Variants in GPR83 observed in about 807,000 individuals in gnomAD.
GPR83 encodes G-protein coupled receptor 72.
GPR83 carries 23 observed loss-of-function variants against 28.0 expected under a neutral mutation model. That is an observed-to-expected ratio of 0.82 (90% confidence interval 0.59 to 1.16). The LOEUF (loss-of-function observed/expected upper bound fraction) is 1.16. Ranked by LOEUF, GPR83 falls within the 50% of genes most tolerant of loss-of-function variation. GPR83 has a pLI of 0.00. For synonymous variants in GPR83, 234 were observed against 215.4 expected (o/e 1.09, Z -0.76); for missense variants, 610 against 536.6 (o/e 1.14, Z -1.35).
intron 3 of GPR83, among the ~76,000 whole-genome samples, chr11:94,381,484 G>T (rs573968777): frequency 1.3e-5 from 2 of 152,086 alleles, no homozygotes; most frequent in South Asian, 4.2e-4. Flanking sequence ...CCTGGAGGGG[G>T]CCTTTATAAG....
chr11:94,385,917 C>A (rs964019923), intron 3 of GPR83, among the ~76,000 whole-genome samples: 15 of 151,838 alleles, frequency 9.9e-5, no homozygotes, highest in Admixed American at 5.3e-4. Flanking sequence ...GAAGTTGAAA[C>A]GAAGGAAAAA....
chr11:94,382,313 A>G (rs995709879), intron 3 of GPR83, among the ~76,000 whole-genome samples: 1 of 137,590 alleles, frequency 7.3e-6, no homozygotes, highest in Non-Finnish European at 1.5e-5. Flanking sequence ...ATTGCACTCC[A>G]GCATGGGCAA....
Position 94,378,475 on chromosome 11 carries a change from G to A in GPR83, c.*1674C>T, listed in dbSNP as rs1049301963. On this transcript the variant is annotated 3_prime_UTR_variant, in exon 4 of 4. Coordinates refer to ENST00000243673, the MANE Select transcript of GPR83 (RefSeq NM_016540.4). ...TCTGCCTGACAGGTCTCTTTTCTGG[G>A]TGACACAGTGAGTCACTCAGGACCA... The A allele has an allele frequency of 6.6e-6, 1 of 152,190 alleles. No individual in the cohort carries two copies. Among genetic ancestry groups the A allele is most frequent in the African/African-American group, 2.4e-5 (1 of 41,438 alleles). The allele number at this position is 152,190 out of a possible 1,614,324, so 9.4% of individuals were successfully genotyped here. A position where few individuals can be genotyped will look rare whatever the true frequency, so the allele number is the denominator to read the frequency against.
chr11:94,390,158 T>C (rs11523894), intron 3 of GPR83, among the ~76,000 whole-genome samples: 37,580 of 145,690 alleles, frequency 0.26, 5,783 homozygotes, highest in Non-Finnish European at 0.34. Flanking sequence ...TATCACACAC[T>C]GGGGACTGTT....
intron 1 of GPR83, among the ~76,000 whole-genome samples, chr11:94,399,154 G>A (rs187995274): frequency 1.7e-4 from 26 of 152,280 alleles, no homozygotes; most frequent in Admixed American, 1.4e-3. Context: ...CAGCCCAACC[G>A]TACCACTGTA....
chr11:94,392,734 G>A (rs550136809), intron 3 of GPR83, among the ~76,000 whole-genome samples: 1 of 152,196 alleles, frequency 6.6e-6, no homozygotes, highest in Admixed American at 6.5e-5. Context: ...GCTGAGGCAG[G>A]AGAATTGCTT....
chr11:94,385,508 C>A (rs181668153), intron 3 of GPR83, among the ~76,000 whole-genome samples: 225 of 152,236 alleles, frequency 1.5e-3, no homozygotes, highest in African/African-American at 5.3e-3. Flanking sequence ...CTTAAAGGAC[C>A]TGATGGAGCT....
In GPR83 at chr11:94,380,140, C is replaced by T. The variant is rs779592376; in HGVS notation, c.*9G>A. 4.0e-6 allele frequency: 6 copies of T among 1,505,150 alleles called. No homozygotes were observed. The African/African-American group carries it at 8.4e-5, about 21-fold the overall frequency. 93.2% of individuals were successfully genotyped at this position (1,505,150 alleles called of 1,614,324 possible). On this transcript the variant is annotated 3_prime_UTR_variant, in exon 4 of 4. Transcript: ENST00000243673. ...ACAGACCCCTCCCACTCCCTCTTCC[C>T]AACCTCTTCTAACTCATCGTCACAA...
rs1019283530 is a variant in GPR83 at position 94,401,385 on chromosome 11, C to G, written c.-138G>C. 2.6e-6 allele frequency: 2 copies of G among 768,116 alleles called. No individual in the cohort carries two copies. The highest frequency in any genetic ancestry group is 1.9e-5 in the African/African-American group (1 of 53,808). 47.6% of individuals were successfully genotyped at this position (768,116 alleles called of 1,614,324 possible). A position where few individuals can be genotyped will look rare whatever the true frequency, so the allele number is the denominator to read the frequency against. On this transcript the variant is annotated 5_prime_UTR_variant, in exon 1 of 4. Transcript: ENST00000243673. ...AGCCAGGGAGCCCGGACGCGCGGAG[C>G]ACCGCGCCGCCCGCCACCAGCCCGC...
intron 1 of GPR83, among the ~76,000 whole-genome samples, chr11:94,397,701 T>C (rs1301633853): frequency 1.3e-5 from 2 of 152,220 alleles, no homozygotes. Flanking sequence ...AGCAAGTACT[T>C]AACGCTATCA....
In GPR83 at chr11:94,380,776, G is replaced by A. The variant is rs1480276551; in HGVS notation, c.648-3C>T. 1 of 1,603,864 alleles carries A rather than the reference G, an allele frequency of 6.2e-7. No individual in the cohort carries two copies. Among genetic ancestry groups the A allele is most frequent in the East Asian group, 2.2e-5 (1 of 44,752 alleles). ...AGAGGGAGCGCACAATGTCCTCACT[G>A]GGGGCAGGAAGTGGGGAGGGGGAGA... On this transcript the variant is annotated splice_region_variant and splice_polypyrimidine_tract_variant and intron_variant, in intron 3 of 3. Transcript: ENST00000243673.
intron 3 of GPR83, among the ~76,000 whole-genome samples, chr11:94,392,761 G>A (rs1168125385): frequency 6.6e-6 from 1 of 152,038 alleles, no homozygotes; most frequent in Non-Finnish European, 1.5e-5. Context: ...AGGTGGCGGA[G>A]GTTACAGTGA....
At chr11:94,393,440 G>A (rs751411906) in intron 3 of GPR83, 45 bp downstream of exon 3, 2 of 1,601,252 alleles carry the variant, frequency 1.2e-6, no homozygotes, top group Non-Finnish European at 1.7e-6. Context: ...CCTGACTCAG[G>A]AGAAGACACA....
intron 1 of GPR83, among the ~76,000 whole-genome samples, chr11:94,397,225 G>C (rs1944875283): frequency 6.6e-6 from 1 of 152,140 alleles, no homozygotes; most frequent in East Asian, 1.9e-4. Context: ...TAGGGCCCTA[G>C]AAGCAGGCCC....
intron 3 of GPR83, 24 bp downstream of exon 3, chr11:94,393,461 C>A (rs778205077): frequency 1.2e-6 from 2 of 1,612,262 alleles, no homozygotes; most frequent in Non-Finnish European, 8.5e-7. Flanking sequence ...AGTCCCCAGG[C>A]AGATCCCAAC....
chr11:94,393,045 A>G (rs1944832356), intron 3 of GPR83, among the ~76,000 whole-genome samples: 1 of 152,196 alleles, frequency 6.6e-6, no homozygotes, highest in South Asian at 2.1e-4. Context: ...ATTCAGTGAT[A>G]GCATATGATA....
intron 3 of GPR83, among the ~76,000 whole-genome samples, chr11:94,393,044 T>C (rs11020764): frequency 2.4e-3 from 369 of 152,272 alleles, no homozygotes; most frequent in African/African-American, 7.6e-3. Context: ...CATTCAGTGA[T>C]AGCATATGAT....
intron 3 of GPR83, among the ~76,000 whole-genome samples, chr11:94,389,313 A>C (rs892860665): frequency 6.6e-6 from 1 of 152,236 alleles, no homozygotes; most frequent in African/African-American, 2.4e-5. Flanking sequence ...CAAAAGCCAA[A>C]ATTGACAAAT....
At chr11:94,386,843 G>C (rs1314886509) in intron 3 of GPR83, among the ~76,000 whole-genome samples, 2 of 152,180 alleles carry the variant, frequency 1.3e-5, no homozygotes, top group East Asian at 3.8e-4. Flanking sequence ...GACATCTACA[G>C]AACTCTCCAC....
Sources: allele counts gnomAD v4.1 joint callset (sites outside exome capture counted in the v4.1 genomes callset), GRCh38; gene constraint gnomAD v4.1.1; transcripts MANE v1.5; gene names NCBI Gene and HGNC (gene_info 2026-07-23, HGNC 2026-07-21).